The following IL2RB variants were observed in gnomAD, a reference collection of about 807,000 sequenced individuals.
The protein encoded by IL2RB is interleukin-2 receptor subunit beta.
IL2RB carries 17 observed loss-of-function variants against 44.2 expected under a neutral mutation model. The observed-to-expected ratio is 0.38, with a 90% CI of 0.26 to 0.58. IL2RB has a LOEUF of 0.58. Among genes scored for constraint, IL2RB ranks in the 20% least tolerant of loss-of-function variants. IL2RB has a pLI of 0.63. For synonymous variants in IL2RB, 286 were observed against 297.9 expected (o/e 0.96, Z 0.41); for missense variants, 624 against 685.5 (o/e 0.91, Z 1.00).
At chr22:37,172,709 A>G (rs1923330129) in intron 1 of IL2RB, among the ~76,000 whole-genome samples, 1 of 152,176 alleles carries the variant, frequency 6.6e-6, no homozygotes. Flanking sequence ...ACATCTGCCA[A>G]TTTCTAGCAG....
At position 37,126,807 on chromosome 22, in the gene IL2RB, G is replaced by C. The variant is rs978096362; in HGVS notation, c.*1289C>G. On this transcript the variant is annotated 3_prime_UTR_variant, in exon 10 of 10. Transcript: ENST00000216223. Reference sequence around the variant, plus strand: ...GTAGGGGGTTGAGCCCCTTGCAGGAGGGGGCATGCCAGACCTAATGGGCAC... The same window carrying C: ...GTAGGGGGTTGAGCCCCTTGCAGGACGGGGCATGCCAGACCTAATGGGCAC... The C allele has an allele frequency of 2.0e-5, 3 of 152,268 alleles. No homozygotes were observed. The highest frequency in any genetic ancestry group is 2.9e-5 in the Non-Finnish European group (2 of 68,068). The allele number at this position is 152,268 out of a possible 1,614,324, so 9.4% of individuals were successfully genotyped here. A position where few individuals can be genotyped will look rare whatever the true frequency, so the allele number is the denominator to read the frequency against.
chr22:37,128,499 T>C lies in IL2RB; in HGVS notation c.1253A>G (p.Tyr418Cys). ...GTCATCCCTGGAGGGGAAGGTGCAGTAGGCGTCGTCCTCCCCTGACAGAGG... is the reference window on the plus strand; with the variant it reads ...GTCATCCCTGGAGGGGAAGGTGCAGCAGGCGTCGTCCTCCCCTGACAGAGG... ...LQPLSGEDDA[Y>C]CTFPSRDDLL... The change falls in exon 10 of 10, where the codon TAC (tyrosine) becomes TGC (cysteine). Residue 418 changes from tyrosine to cysteine, a missense_variant. This residue lies in a region of IL2RB where 291 missense variants were observed against 275.5 expected (regional missense o/e 1.06). Transcript: ENST00000216223. This position sits in a 1 kb window ranked among gnomAD's most constrained non-coding sequence, Gnocchi z 4.5. 1 of 1,608,022 alleles carries C rather than the reference T, an allele frequency of 6.2e-7. No homozygotes were observed. The highest frequency in any genetic ancestry group is 1.3e-5 in the African/African-American group (1 of 74,764).
At chr22:37,170,507 C>T (rs1402371910) in intron 1 of IL2RB, among the ~76,000 whole-genome samples, 1 of 152,164 alleles carries the variant, frequency 6.6e-6, no homozygotes, top group Non-Finnish European at 1.5e-5. Flanking sequence ...CAGCGCCACC[C>T]AGGGGCTGGG....
intron 8 of IL2RB, 84 bp downstream of exon 8, chr22:37,135,244 G>A (rs532078306): frequency 3.5e-6 from 3 of 856,494 alleles, no homozygotes; most frequent in African/African-American, 1.7e-5. Flanking sequence ...ATGTGTGCTT[G>A]TGTGCGTGTG....
chr22:37,150,604 T>C (rs1922448319), upstream of IL2RB, among the ~76,000 whole-genome samples: 3 of 152,212 alleles, frequency 2.0e-5, no homozygotes, highest in Admixed American at 1.3e-4. Flanking sequence ...ACTCTTTTAG[T>C]TATTTTTAAA....
chr22:37,142,081 C>G (rs895861744), intron 4 of IL2RB, among the ~76,000 whole-genome samples: 2 of 152,186 alleles, frequency 1.3e-5, no homozygotes, highest in African/African-American at 2.4e-5. Flanking sequence ...CACTGCCAAG[C>G]CCCCGGGAAG....
Position 37,128,364 on chromosome 22 carries a change from A to T in IL2RB, c.1388T>A (p.Val463Asp). 1 of 1,504,452 alleles carries T rather than the reference A, an allele frequency of 6.6e-7. No homozygotes were observed. 93.2% of individuals were successfully genotyped at this position (1,504,452 alleles called of 1,614,324 possible). ...ERMPPSLQER[V>D]PRDWDPQPLG... The stretch of plus-strand genomic sequence containing the variant: ...GGGCTGGGGGTCCCAGTCTCTGGGG[A>T]CTCTTTCTTGCAAAGAAGGGGGCAT... Residue 463 changes from valine to aspartate, a missense_variant, in exon 10 of 10, where the codon GTC becomes GAC. Around this residue, in one of 3 missense-constraint regions of IL2RB, gnomAD observed 291 missense variants for 275.5 expected, o/e 1.06. Coordinates refer to ENST00000216223, the MANE Select transcript of IL2RB (RefSeq NM_000878.5). This position sits in a 1 kb window ranked among gnomAD's most constrained non-coding sequence, Gnocchi z 4.5.
At chr22:37,153,411 T>C (rs1922567632), upstream of IL2RB, among the ~76,000 whole-genome samples, 1 of 152,214 alleles carries the variant, frequency 6.6e-6, no homozygotes, top group Admixed American at 6.5e-5. Context: ...GGACTGGAGA[T>C]TGAGGCTGTG....
chr22:37,132,402 C>A lies in IL2RB; in HGVS notation c.885G>T (p.Glu295Asp), dbSNP rs139692590. The change falls in exon 9 of 10, where the codon GAG becomes GAT. Residue 295 changes from glutamate (E) to aspartate (D), a missense_variant. Transcript: ENST00000216223. ...PSKFFSQLSS[E>D]HGGDVQKWLS... Reference sequence around the variant, plus strand: ...CTCCTACCTGGACGTCTCCTCCATGCTCTGAGCTCAGCTGGGAAAAGAACT... The same window carrying A: ...CTCCTACCTGGACGTCTCCTCCATGATCTGAGCTCAGCTGGGAAAAGAACT... 26 of 1,614,004 alleles carry A rather than the reference C, an allele frequency of 1.6e-5. No homozygotes were observed. The African/African-American group carries it at 3.5e-4, about 22-fold the overall frequency.
intron 9 of IL2RB, among the ~76,000 whole-genome samples, chr22:37,130,810 A>C (rs754035836): frequency 3.9e-5 from 6 of 152,354 alleles, no homozygotes; most frequent in Admixed American, 6.5e-5. Context: ...ATAGATGGGA[A>C]TCTTGCTACC....
rs1457994986 is a variant in IL2RB, at chr22:37,134,089, CT to C, written c.818+1238del. Among the ~76,000 whole-genome samples, 6 of 152,192 alleles carry C rather than the reference CT, an allele frequency of 3.9e-5. No homozygotes were observed. The South Asian group carries it at 1.0e-3, about 26-fold the overall frequency. On this transcript the variant is annotated intron_variant, in intron 8 of 9. Transcript: ENST00000216223. ...AGTCAGCACTCAGGATCCGTGGGTT[CT>C]GCACTCACGGATTCAGCCAATCTCT... is the stretch of plus-strand genomic sequence containing the variant.
Position 37,167,310 on chromosome 22 carries a change from C to T in IL2RB, c.-34+7648G>A, listed in dbSNP as rs1923117171. On this transcript the variant is annotated intron_variant, in intron 1 of 5. Transcript: ENST00000429622. ...AGTGCCAAGCGCTCACAGTCCTCTACCCCCAGCCCCAGCCGGCACCCTCAG... is the reference window on the plus strand; with the variant it reads ...AGTGCCAAGCGCTCACAGTCCTCTATCCCCAGCCCCAGCCGGCACCCTCAG... Among the ~76,000 whole-genome samples the T allele has an allele frequency of 1.3e-5, 2 of 152,094 alleles. 1 individual carries two copies. The highest frequency in any genetic ancestry group is 4.1e-4 in the South Asian group (2 of 4,828).
At chr22:37,157,616 C>T (rs968012487) in intron 1 of IL2RB, among the ~76,000 whole-genome samples, 1 of 152,186 alleles carries the variant, frequency 6.6e-6, no homozygotes, top group Non-Finnish European at 1.5e-5. Context: ...AAGTTGGTCA[C>T]CATATTCCCA....
rs955671197 is a variant in IL2RB at position 37,143,042 on chromosome 22, G to A, written c.203+479C>T. On this transcript the variant is annotated intron_variant, in intron 3 of 9. Transcript: ENST00000216223. Reference sequence around the variant, plus strand: ...GGGGTCAGTCCCTCACTCACTGGCCGCCTGGATGTTTACATCACAGTGACA... The same window carrying A: ...GGGGTCAGTCCCTCACTCACTGGCCACCTGGATGTTTACATCACAGTGACA... Among the ~76,000 whole-genome samples, 9 of 151,766 alleles carry A rather than the reference G, an allele frequency of 5.9e-5. No individual in the cohort carries two copies. In the South Asian group the frequency reaches 8.3e-4, roughly 14 times the overall value.
chr22:37,168,555 G>A (rs558684321), intron 1 of IL2RB, among the ~76,000 whole-genome samples: 13 of 152,296 alleles, frequency 8.5e-5, no homozygotes, highest in African/African-American at 2.2e-4. Context: ...TGAAACATGC[G>A]ACTACTCCCC....
At chr22:37,155,806 G>A (rs912549128) in intron 1 of IL2RB, among the ~76,000 whole-genome samples, 15 of 152,098 alleles carry the variant, frequency 9.9e-5, no homozygotes, top group African/African-American at 3.1e-4. Context: ...CTTCTCTTAC[G>A]TCTTCCACAT....
chr22:37,165,570 A>C (rs1353166891), intron 1 of IL2RB, among the ~76,000 whole-genome samples: 2 of 152,240 alleles, frequency 1.3e-5, no homozygotes, highest in East Asian at 3.8e-4. Flanking sequence ...GGAAATAGGC[A>C]TGGGAACGAA....
At chr22:37,143,884 CGTGT>C (rs55819516) in intron 2 of IL2RB, among the ~76,000 whole-genome samples, 197 bp downstream of exon 2, 26,558 of 139,768 alleles carry the variant, frequency 0.19, 2,734 homozygotes, top group East Asian at 0.38. Flanking sequence ...CTTGGAGAGG[CGTGT>C]GTGTGTGTGT....
intron 1 of IL2RB, among the ~76,000 whole-genome samples, chr22:37,165,738 A>T (rs996385092): frequency 9.2e-5 from 14 of 151,434 alleles, no homozygotes; most frequent in African/African-American, 2.9e-4. Flanking sequence ...TTGGGGGAGG[A>T]GGGGAGAAGA....
Sources: allele counts gnomAD v4.1 joint callset (sites outside exome capture counted in the v4.1 genomes callset), GRCh38; gene constraint gnomAD v4.1.1; regional missense constraint gnomAD v4.1.1; non-coding constraint Gnocchi (gnomAD v3.1); transcripts MANE v1.5; gene names NCBI Gene and HGNC (gene_info 2026-07-23, HGNC 2026-07-21).